SNCAIP: variants seen among roughly 807,000 people sequenced by gnomAD.
The protein encoded by SNCAIP is synuclein alpha interacting protein, also known as synphilin-1.
In SNCAIP, 43 loss-of-function variants were observed where a neutral mutation model predicts 86.7. That is an observed-to-expected ratio of 0.50 (90% CI 0.39 to 0.64). The LOEUF is 0.64. SNCAIP is among the 30% of genes least tolerant of loss of function. The pLI, the probability that SNCAIP is intolerant of heterozygous loss-of-function variation, is 0.00. For missense variants in SNCAIP, 981 were observed against 1,103.1 expected (o/e 0.89, Z 1.57); for synonymous variants, 417 against 427.2 (o/e 0.98, Z 0.29).
intron 10 of SNCAIP, among the ~76,000 whole-genome samples, chr5:122,462,658 T>C (rs1786669947): frequency 6.6e-6 from 1 of 152,204 alleles, no homozygotes; most frequent in Non-Finnish European, 1.5e-5. Context: ...GCAAGCACAA[T>C]TTTGAGACTC....
At chr5:122,418,850 A>G (rs768137812) in intron 3 of SNCAIP, among the ~76,000 whole-genome samples, 3 of 152,182 alleles carry the variant, frequency 2.0e-5, no homozygotes, top group Non-Finnish European at 2.9e-5. Context: ...TGGGTGACAA[A>G]GTCAGACTTA....
At chr5:122,382,847 C>T (rs1384247872) in intron 1 of SNCAIP, among the ~76,000 whole-genome samples, 2 of 152,240 alleles carry the variant, frequency 1.3e-5, no homozygotes, top group Non-Finnish European at 2.9e-5. Flanking sequence ...TCCCAGTTAG[C>T]CTGCTCGGGG....
chr5:122,424,684 A>G (rs186075256), intron 4 of SNCAIP, among the ~76,000 whole-genome samples: 173 of 152,180 alleles, frequency 1.1e-3, no homozygotes, highest in Admixed American at 3.9e-3. Flanking sequence ...TCTTTGGTTC[A>G]TTCCTTTCTT....
chr5:122,442,705 T>C (rs1176086677), intron 7 of SNCAIP, among the ~76,000 whole-genome samples: 42 of 152,218 alleles, frequency 2.8e-4, no homozygotes, highest in Non-Finnish European at 2.9e-5. Flanking sequence ...AGCTAAGAAA[T>C]GACTAAAGCC....
At chr5:122,365,992 A>T (rs547265892) in intron 1 of SNCAIP, among the ~76,000 whole-genome samples, 1 of 152,248 alleles carries the variant, frequency 6.6e-6, no homozygotes, top group African/African-American at 2.4e-5. Context: ...TTCCTAAGTA[A>T]CCCCTAAGCT....
At chr5:122,327,869 A>G (rs564422692) in intron 1 of SNCAIP, among the ~76,000 whole-genome samples, 9 of 152,308 alleles carry the variant, frequency 5.9e-5, no homozygotes, top group South Asian at 4.1e-4. Context: ...GCCAAGTGCT[A>G]TAGTCAGAAG....
chr5:122,414,234 T>A lies in SNCAIP; in HGVS notation c.131-8634T>A, dbSNP rs115896588. Among the ~76,000 whole-genome samples, 1,121 of 147,136 alleles carry A rather than the reference T, an allele frequency of 7.6e-3. 21 individuals carry two copies. The highest frequency in any genetic ancestry group is 0.028 in the African/African-American group (1,081 of 38,964). On this transcript the variant is annotated intron_variant, in intron 3 of 10. Coordinates refer to ENST00000261368, the MANE Select transcript of SNCAIP (RefSeq NM_005460.4). ...AAGAAAAGTCATTAAAAATTATTTT[T>A]CCTTTTTTTTTTTTTTGAGACAGTC...
At chr5:122,463,053 C>A (rs1004672136) in intron 10 of SNCAIP, among the ~76,000 whole-genome samples, 3 of 152,108 alleles carry the variant, frequency 2.0e-5, no homozygotes, top group Non-Finnish European at 4.4e-5. Context: ...TAATCACACA[C>A]CAAAAAGCAT....
At chr5:122,360,307 T>C (rs906918461) in intron 1 of SNCAIP, among the ~76,000 whole-genome samples, 1 of 152,186 alleles carries the variant, frequency 6.6e-6, no homozygotes. Flanking sequence ...ATAGAATGCC[T>C]GATGTCATGT....
At chr5:122,370,067 T>C (rs556232809) in intron 1 of SNCAIP, 1 of 152,108 alleles carries the variant, frequency 6.6e-6, no homozygotes, top group East Asian at 1.9e-4. Flanking sequence ...AAGAGAAAAA[T>C]TGTAATGTTC....
chr5:122,383,121 C>T lies in SNCAIP; in HGVS notation c.-46-7968C>T, dbSNP rs925462282. 2.8e-4 allele frequency among the ~76,000 whole-genome samples: 42 copies of T among 152,328 alleles called. No individual in the cohort carries two copies. The Middle Eastern group carries it at 0.017, about 62-fold the overall frequency. On this transcript the variant is annotated intron_variant, in intron 1 of 10. Coordinates refer to ENST00000261368, the MANE Select transcript of SNCAIP (RefSeq NM_005460.4). Reference sequence around the variant, plus strand: ...TTTACCTAGCAAGCCTGGGCAATGGCAGGCGCCCCTCCCCCAGCCTCGCTG... The same window carrying T: ...TTTACCTAGCAAGCCTGGGCAATGGTAGGCGCCCCTCCCCCAGCCTCGCTG...
intron 4 of SNCAIP, among the ~76,000 whole-genome samples, chr5:122,424,949 A>G (rs111730237): frequency 4.6e-5 from 7 of 152,354 alleles, no homozygotes; most frequent in South Asian, 2.1e-4. Flanking sequence ...CAAAATAAAC[A>G]GGTAGAGACA....
intron 1 of SNCAIP, among the ~76,000 whole-genome samples, chr5:122,357,848 C>T (rs1239506085): frequency 6.6e-6 from 1 of 151,994 alleles, no homozygotes; most frequent in Non-Finnish European, 1.5e-5. Flanking sequence ...TACTTGCTAC[C>T]ACATTGGACA....
intron 1 of SNCAIP, among the ~76,000 whole-genome samples, chr5:122,331,476 A>C (rs1176525030): frequency 4.6e-5 from 7 of 152,242 alleles, no homozygotes; most frequent in Non-Finnish European, 1.0e-4. Flanking sequence ...TTACTTAAGA[A>C]ATAAAAAAAT....
chr5:122,404,477 T>C (rs963051852), intron 3 of SNCAIP, among the ~76,000 whole-genome samples: 2 of 152,206 alleles, frequency 1.3e-5, no homozygotes, highest in African/African-American at 4.8e-5. Context: ...TGAGTTGTTT[T>C]CCCTCTGTAA....
chr5:122,407,197 G>GT (rs1442128360), intron 3 of SNCAIP, among the ~76,000 whole-genome samples: 1 of 152,192 alleles, frequency 6.6e-6, no homozygotes, highest in African/African-American at 2.4e-5. Context: ...AGAGACTGTG[G>GT]TAATTTTTAG....
chr5:122,451,479 A>C lies in SNCAIP; in HGVS notation c.2632A>C (p.Asn878His). The C allele has an allele frequency of 1.2e-6, 2 of 1,613,900 alleles. No individual in the cohort carries two copies. The highest frequency in any genetic ancestry group is 1.7e-6 in the Non-Finnish European group (2 of 1,179,968). ...GACACTAAGTGGCAACCAAAACAAT[A>C]ATAATAACTACCAGGCAGCCAACCA... The part of the protein sequence containing the change: ...METLSGNQNN[N>H]NNYQAANQLK... Residue 878 changes from asparagine (N) to histidine (H), a missense_variant, in exon 10 of 11, where the codon AAT (asparagine) becomes CAT (histidine). By Grantham distance (68) the Asn-to-His change is moderately conservative (BLOSUM62 1). Transcript: ENST00000261368.
intron 3 of SNCAIP, 64 bp downstream of exon 3, chr5:122,403,929 G>A (rs1772401882): frequency 2.4e-6 from 3 of 1,249,472 alleles, no homozygotes; most frequent in South Asian, 2.4e-5. Flanking sequence ...CTGGAAAGCT[G>A]TTTTTCCTCA....
At position 122,331,178 on chromosome 5, in the gene SNCAIP, A is replaced by C. The variant is rs182929243; in HGVS notation, c.-47+18894A>C. On this transcript the variant is annotated intron_variant, in intron 1 of 10. Transcript: ENST00000261368. ...CCTGTGTAGCCTGGTTCCTAACAGG[A>C]CTCGAACTGATATCAGTCCATGGCC... Among the ~76,000 whole-genome samples, 103 of 152,170 alleles carry C rather than the reference A, an allele frequency of 6.8e-4. 1 individual carries two copies. The highest frequency in any genetic ancestry group is 3.4e-3 in the Middle Eastern group (1 of 294).
Sources: allele counts gnomAD v4.1 joint callset (sites outside exome capture counted in the v4.1 genomes callset), GRCh38; gene constraint gnomAD v4.1.1; transcripts MANE v1.5; gene names NCBI Gene and HGNC (gene_info 2026-07-23, HGNC 2026-07-21).